DPYD: variants seen among roughly 807,000 people sequenced by gnomAD.
The protein encoded by DPYD is dihydropyrimidine dehydrogenase.
In DPYD, 109 loss-of-function variants were observed where a neutral mutation model predicts 116.2. That is an observed-to-expected ratio of 0.94 (90% CI 0.80 to 1.10). The LOEUF is 1.10. Among genes scored for constraint, DPYD ranks in the 50% least tolerant of loss-of-function variants. The probability of loss-of-function intolerance (pLI) is 0.00; values close to 1 mark genes in which losing one functional copy is unlikely to be tolerated. For synonymous variants in DPYD, 440 were observed against 432.0 expected, an observed-to-expected ratio of 1.02 and a Z score of -0.23; for missense variants, 1,302 against 1,254.5, an observed-to-expected ratio of 1.04 and a Z score of -0.57.
intron 2 of DPYD, among the ~76,000 whole-genome samples, chr1:97,879,793 G>A (rs982059732): frequency 1.3e-5 from 2 of 151,762 alleles, no homozygotes; most frequent in Admixed American, 6.6e-5. Flanking sequence ...TTTAATAAAC[G>A]ATTTTAGACT....
intron 16 of DPYD, among the ~76,000 whole-genome samples, chr1:97,321,590 GC>G: frequency 1.2e-5 from 1 of 83,582 alleles, no homozygotes; most frequent in South Asian, 5.9e-4. Flanking sequence ...AACAACAGGT[GC>G]TGGAGAGGAT....
intron 2 of DPYD, among the ~76,000 whole-genome samples, chr1:97,845,151 G>A (rs1166228118): frequency 2.6e-5 from 4 of 152,200 alleles, no homozygotes; most frequent in Non-Finnish European, 5.9e-5. Flanking sequence ...ATGGAAAGGG[G>A]CGGGTCCCCA....
chr1:97,569,531 T>C (rs1652754562), intron 11 of DPYD, among the ~76,000 whole-genome samples: 2 of 151,314 alleles, frequency 1.3e-5, no homozygotes, highest in Admixed American at 1.3e-4. Flanking sequence ...ACAATATTTG[T>C]AAAGCAGAAA....
chr1:97,720,052 G>A, intron 5 of DPYD: 1 of 984,858 alleles, frequency 1.0e-6, no homozygotes, highest in Non-Finnish European at 1.2e-6. Flanking sequence ...GTAGAACCAA[G>A]TAAGAGTTCC....
intron 3 of DPYD, among the ~76,000 whole-genome samples, chr1:97,810,552 C>T (rs1571396339): frequency 6.6e-6 from 1 of 152,094 alleles, no homozygotes; most frequent in East Asian, 1.9e-4. Flanking sequence ...AGAGACCTGA[C>T]TGTTAATTCT....
In DPYD at chr1:97,791,131, T is replaced by C. The variant is rs563067356; in HGVS notation, c.233+36983A>G. Among the ~76,000 whole-genome samples, 11 of 152,332 alleles carry C rather than the reference T, an allele frequency of 7.2e-5. No homozygotes were observed. In the East Asian group the frequency reaches 1.5e-3, roughly 21 times the overall value. On this transcript the variant is annotated intron_variant, in intron 3 of 22. Transcript: ENST00000370192. ...TACCCACAGTTCTCAAGTGGCATGA[T>C]TCACATTTTTAAGAAATATTTAATG...
At chr1:97,306,865 A>G (rs1310186595) in intron 16 of DPYD, among the ~76,000 whole-genome samples, 5 of 151,974 alleles carry the variant, frequency 3.3e-5, no homozygotes, top group African/African-American at 9.7e-5. Context: ...TGAGCTGATC[A>G]GTAACTTTAA....
At chr1:97,520,981 G>A (rs1190234528) in intron 12 of DPYD, among the ~76,000 whole-genome samples, 1 of 152,022 alleles carries the variant, frequency 6.6e-6, no homozygotes, top group South Asian at 2.1e-4. Context: ...AATCCTTTGG[G>A]TATATACTTA....
intron 13 of DPYD, among the ~76,000 whole-genome samples, chr1:97,509,046 G>A (rs113761303): frequency 7.2e-5 from 11 of 151,874 alleles, no homozygotes; most frequent in Non-Finnish European, 1.2e-4. Flanking sequence ...ATCCAGGACC[G>A]GCCATCAGCC....
chr1:97,857,282 C>A (rs1471253719), intron 2 of DPYD, among the ~76,000 whole-genome samples: 1 of 152,128 alleles, frequency 6.6e-6, no homozygotes, highest in Non-Finnish European at 1.5e-5. Context: ...TATCTTCCTC[C>A]ATGTTTCCTG....
chr1:97,156,125 TA>T (rs758443722), intron 20 of DPYD, among the ~76,000 whole-genome samples: 17 of 152,204 alleles, frequency 1.1e-4, no homozygotes, highest in Non-Finnish European at 2.2e-4. Flanking sequence ...AAAATGTTTA[TA>T]TTTTTAGTGA....
intron 18 of DPYD, among the ~76,000 whole-genome samples, chr1:97,258,341 C>T (rs1473660075): frequency 1.3e-5 from 2 of 152,162 alleles, no homozygotes; most frequent in Non-Finnish European, 2.9e-5. Context: ...GCCTACTAAG[C>T]CTGTGCTTCC....
intron 20 of DPYD, among the ~76,000 whole-genome samples, chr1:97,130,670 T>A (rs1010898848): frequency 6.6e-6 from 1 of 151,782 alleles, no homozygotes; most frequent in African/African-American, 2.4e-5. Context: ...CCTTTTCTTT[T>A]TTCCTTCCTT....
intron 20 of DPYD, among the ~76,000 whole-genome samples, chr1:97,155,879 C>G (rs1366136281): frequency 6.6e-6 from 1 of 152,100 alleles, no homozygotes; most frequent in Non-Finnish European, 1.5e-5. Context: ...ATTGTATTAT[C>G]TGTTCTAGTA....
intron 3 of DPYD, among the ~76,000 whole-genome samples, chr1:97,761,597 A>G (rs1183341675): frequency 6.6e-6 from 1 of 152,142 alleles, no homozygotes; most frequent in Non-Finnish European, 1.5e-5. Flanking sequence ...TGTTCCAATC[A>G]TTGTGGAAAG....
chr1:97,920,248 G>A (rs986414241), intron 1 of DPYD, among the ~76,000 whole-genome samples: 2 of 152,014 alleles, frequency 1.3e-5, no homozygotes, highest in Admixed American at 1.3e-4. Context: ...TAACAGAAAC[G>A]GAGTGCAAGA....
intron 8 of DPYD, among the ~76,000 whole-genome samples, chr1:97,676,238 C>T (rs1047114285): frequency 1.3e-5 from 2 of 152,140 alleles, no homozygotes; most frequent in African/African-American, 2.4e-5. Context: ...TGATTCTAGA[C>T]GTTTGATGGG....
chr1:97,470,147 G>A (rs540587341), intron 13 of DPYD, among the ~76,000 whole-genome samples: 3 of 152,086 alleles, frequency 2.0e-5, no homozygotes, highest in East Asian at 1.9e-4. Flanking sequence ...TGCATTTTTC[G>A]AATCATTTTT....
At chr1:97,504,232 A>G (rs1679756898) in intron 13 of DPYD, among the ~76,000 whole-genome samples, 1 of 151,872 alleles carries the variant, frequency 6.6e-6, no homozygotes, top group African/African-American at 2.4e-5. Context: ...TCTTTTTTGG[A>G]GGTTGGTGCA....
Sources: gnomAD v4.1 joint callset for allele counts (sites outside exome capture counted in the v4.1 genomes callset) on GRCh38, gnomAD v4.1.1 for gene constraint, MANE v1.5 for transcripts, NCBI Gene and HGNC (gene_info 2026-07-23, HGNC 2026-07-21) for gene names.